The following FLT1 variants were observed in gnomAD, a reference collection of about 807,000 sequenced individuals.
FLT1 encodes the protein vascular endothelial growth factor receptor 1.
A neutral mutation model predicts 156.3 loss-of-function variants in FLT1; 49 were observed. The ratio of observed to expected loss-of-function variants is 0.31; its 90% CI spans 0.25 to 0.40. FLT1 has a LOEUF of 0.40. Among genes scored for constraint, FLT1 ranks in the 10% least tolerant of loss-of-function variants. The pLI is 1.00. For missense variants in FLT1, 1,322 were observed against 1,637.2 expected, an observed-to-expected ratio of 0.81 and a Z score of 3.32; for synonymous variants, 594 against 583.8, an observed-to-expected ratio of 1.02 and a Z score of -0.25.
chr13:28,372,068 ATATATATATTTT>A (rs1565990426), intron 14 of FLT1, among the ~76,000 whole-genome samples: 3 of 20,216 alleles, frequency 1.5e-4, no homozygotes, highest in Admixed American at 1.0e-3. Flanking sequence ...ATATATATAT[ATATATATATTTT>A]TTTTTTTTTT....
intron 14 of FLT1, among the ~76,000 whole-genome samples, chr13:28,363,696 C>T (rs908543816): frequency 6.6e-6 from 1 of 152,024 alleles, no homozygotes; most frequent in Admixed American, 6.6e-5. Flanking sequence ...TCACTGCAAC[C>T]TTTGCCTCCT....
intron 4 of FLT1, 119 bp downstream of exon 4, chr13:28,438,102 A>G (rs1878131032): frequency 4.3e-6 from 4 of 922,024 alleles, no homozygotes; most frequent in African/African-American, 1.6e-5. Flanking sequence ...GTTACAGGAA[A>G]GTCCACTGAG....
chr13:28,354,627 T>C (rs1240616557), intron 15 of FLT1, among the ~76,000 whole-genome samples: 1 of 152,168 alleles, frequency 6.6e-6, no homozygotes, highest in African/African-American at 2.4e-5. Flanking sequence ...GGCTGGATGA[T>C]TGCCAATCAT....
At chr13:28,456,795 CAA>C (rs34237824) in intron 3 of FLT1, among the ~76,000 whole-genome samples, 26 of 129,808 alleles carry the variant, frequency 2.0e-4, no homozygotes, top group Admixed American at 3.1e-4. Context: ...GACTCCCTCT[CAA>C]AAAAAAAAAA....
At chr13:28,396,917 TG>T (rs752155252) in intron 12 of FLT1, 42 bp downstream of exon 12, 2 of 1,120,358 alleles carry the variant, frequency 1.8e-6, no homozygotes, top group Admixed American at 3.4e-5. Flanking sequence ...GAAGAGAGAA[TG>T]AAGTCACCAG....
intron 15 of FLT1, among the ~76,000 whole-genome samples, chr13:28,354,353 A>G (rs1386916632): frequency 1.3e-5 from 2 of 152,178 alleles, no homozygotes; most frequent in Non-Finnish European, 2.9e-5. Context: ...ATATTCTTAT[A>G]TAGACTTGAA....
At chr13:28,489,247 T>C (rs930084008) in intron 1 of FLT1, among the ~76,000 whole-genome samples, 8 of 152,216 alleles carry the variant, frequency 5.3e-5, no homozygotes, top group African/African-American at 1.9e-4. Context: ...AGGAGCACAT[T>C]ACTATACTGG....
intron 3 of FLT1, among the ~76,000 whole-genome samples, chr13:28,464,165 T>C (rs986162905): frequency 1.3e-5 from 2 of 152,230 alleles, no homozygotes; most frequent in Admixed American, 6.5e-5. Context: ...ATTCGTAGTA[T>C]ATGTATGTAT....
intron 1 of FLT1, among the ~76,000 whole-genome samples, chr13:28,470,770 A>G (rs1349201344): frequency 6.6e-6 from 1 of 152,150 alleles, no homozygotes; most frequent in East Asian, 1.9e-4. Context: ...AGCTCACTGC[A>G]GCCTCCGCCT....
intron 1 of FLT1, among the ~76,000 whole-genome samples, chr13:28,469,153 T>C (rs924457495): frequency 6.6e-6 from 1 of 152,156 alleles, no homozygotes; most frequent in Admixed American, 6.5e-5. Context: ...TAGGCGGGAA[T>C]AGAAGTTAGC....
chr13:28,309,505 C>T (rs1300664683), intron 27 of FLT1, among the ~76,000 whole-genome samples: 2 of 152,170 alleles, frequency 1.3e-5, no homozygotes, highest in Non-Finnish European at 2.9e-5. Context: ...GACATCCACT[C>T]TGTGGTTACT....
At chr13:28,403,385 G>A (rs1180843376) in intron 11 of FLT1, among the ~76,000 whole-genome samples, 2 of 152,106 alleles carry the variant, frequency 1.3e-5, no homozygotes, top group Admixed American at 6.6e-5. Flanking sequence ...CTTTTATCAT[G>A]GGCATGTTTT....
chr13:28,369,557 T>C (rs1287686599), intron 14 of FLT1, among the ~76,000 whole-genome samples: 1 of 152,104 alleles, frequency 6.6e-6, no homozygotes, highest in Admixed American at 6.5e-5. Context: ...AAACGATTAA[T>C]CCATAAATGA....
intron 14 of FLT1, among the ~76,000 whole-genome samples, chr13:28,383,310 C>T (rs548202865): frequency 5.3e-5 from 8 of 152,156 alleles, no homozygotes; most frequent in East Asian, 1.9e-4. Flanking sequence ...GAACTTTTCA[C>T]GCACCAAGTA....
intron 6 of FLT1, among the ~76,000 whole-genome samples, chr13:28,433,527 A>G (rs1048003378): frequency 6.6e-6 from 1 of 152,254 alleles, no homozygotes; most frequent in South Asian, 2.1e-4. Flanking sequence ...CCTACAGAGT[A>G]GTTTCCAAGA....
chr13:28,424,824 T>C (rs1877247552), intron 10 of FLT1, among the ~76,000 whole-genome samples: 1 of 152,220 alleles, frequency 6.6e-6, no homozygotes, highest in Admixed American at 6.5e-5. Context: ...TGTTACCATA[T>C]AACTCAAAAT....
chr13:28,453,971 G>A (rs1000841150), intron 3 of FLT1, among the ~76,000 whole-genome samples: 1 of 152,048 alleles, frequency 6.6e-6, no homozygotes, highest in Non-Finnish European at 1.5e-5. Context: ...GCTTCCCAGA[G>A]GGGGGATATT....
chr13:28,452,540 G>T (rs1380609130), intron 3 of FLT1, among the ~76,000 whole-genome samples: 1 of 152,112 alleles, frequency 6.6e-6, no homozygotes, highest in African/African-American at 2.4e-5. Flanking sequence ...GATGCGTGGG[G>T]ACTAATCACT....
chr13:28,472,388 A>G (rs1044023275), intron 1 of FLT1, among the ~76,000 whole-genome samples: 1 of 152,174 alleles, frequency 6.6e-6, no homozygotes, highest in African/African-American at 2.4e-5. Flanking sequence ...AAAAGAGCCA[A>G]CTCCCACTGG....
Sources: allele counts gnomAD v4.1 joint callset (sites outside exome capture counted in the v4.1 genomes callset), GRCh38; gene constraint gnomAD v4.1.1; transcripts MANE v1.5; gene names NCBI Gene and HGNC (gene_info 2026-07-23, HGNC 2026-07-21).